The following UTP20 variants were observed in gnomAD, a reference collection of about 807,000 sequenced individuals.
UTP20 encodes small subunit processome component 20 homolog.
A neutral mutation model predicts 329.5 loss-of-function variants in UTP20; 164 were observed. That is an observed-to-expected ratio of 0.50 (90% CI 0.44 to 0.57). The LOEUF (loss-of-function observed/expected upper bound fraction) is 0.57. UTP20 is among the 20% of genes least tolerant of loss of function. The pLI, the probability that UTP20 is intolerant of heterozygous loss-of-function variation, is 0.00. For synonymous variants in UTP20, 1,151 were observed against 1,159.3 expected, an observed-to-expected ratio of 0.99 and a Z score of 0.14; for missense variants, 3,055 against 3,284.2, an observed-to-expected ratio of 0.93 and a Z score of 1.71.
chr12:101,347,624 A>T (rs912443244), intron 38 of UTP20, among the ~76,000 whole-genome samples: 3 of 152,234 alleles, frequency 2.0e-5, no homozygotes, highest in African/African-American at 7.2e-5. Flanking sequence ...TGTTGATTAC[A>T]TGGCCTTATA....
chr12:101,293,925 A>G (rs2137236891), intron 11 of UTP20, among the ~76,000 whole-genome samples: 1 of 152,010 alleles, frequency 6.6e-6, no homozygotes, highest in African/African-American at 2.4e-5. Context: ...TACTGCTTAC[A>G]CGTCTGTAGT....
At chr12:101,323,067 C>T (rs1868424073) in intron 25 of UTP20, among the ~76,000 whole-genome samples, 1 of 152,152 alleles carries the variant, frequency 6.6e-6, no homozygotes, top group South Asian at 2.1e-4. Context: ...ATAATACACC[C>T]ATACAAGTTT....
intron 15 of UTP20, among the ~76,000 whole-genome samples, chr12:101,305,113 G>A: frequency 6.6e-6 from 1 of 151,846 alleles, no homozygotes; most frequent in East Asian, 1.9e-4. Flanking sequence ...CAATCTCTTT[G>A]TCAAGCCTTT....
intron 43 of UTP20, 114 bp downstream of exon 43, chr12:101,357,196 C>T (rs938422177): frequency 1.1e-6 from 1 of 945,056 alleles, no homozygotes; most frequent in Non-Finnish European, 1.5e-6. Context: ...TCCACTGACA[C>T]TCTGAGCAGT....
chr12:101,385,848 A>G, intron 61 of UTP20, 120 bp downstream of exon 61: 1 of 1,475,604 alleles, frequency 6.8e-7, no homozygotes, highest in Non-Finnish European at 9.1e-7. Flanking sequence ...GGGACTTTAT[A>G]GCTGGGACTT....
At chr12:101,347,520 GAA>G (rs1020631465) in intron 38 of UTP20, among the ~76,000 whole-genome samples, 7 of 148,086 alleles carry the variant, frequency 4.7e-5, no homozygotes, top group African/African-American at 1.2e-4. Context: ...GAGACTATTT[GAA>G]AAAAAAAAGT....
chr12:101,331,125 C>T (rs1393492400), intron 27 of UTP20, among the ~76,000 whole-genome samples: 1 of 152,166 alleles, frequency 6.6e-6, no homozygotes, highest in African/African-American at 2.4e-5. Flanking sequence ...ATCATATTGA[C>T]TGTTCCTCTA....
chr12:101,325,603 G>A (rs375879327), intron 25 of UTP20, among the ~76,000 whole-genome samples: 4 of 152,156 alleles, frequency 2.6e-5, no homozygotes, highest in Non-Finnish European at 4.4e-5. Context: ...TGATAAAGTG[G>A]GAAGAATGCA....
rs148547205 is a variant in UTP20, at chr12:101,366,410, T to C, written c.6126-148T>C. The C allele has an allele frequency of 6.1e-5, 51 of 841,462 alleles. 1 individual carries two copies. The highest frequency in any genetic ancestry group is 4.1e-4 in the Admixed American group (15 of 36,274). 52.1% of individuals were successfully genotyped at this position (841,462 alleles called of 1,614,324 possible). A position where few individuals can be genotyped will look rare whatever the true frequency, so the allele number is the denominator to read the frequency against. ...GCCTAATAATCTCTTCTGTATCTCATGGTTTGGGGGTTTGGGGAGGGGCAA... is the reference window on the plus strand; with the variant it reads ...GCCTAATAATCTCTTCTGTATCTCACGGTTTGGGGGTTTGGGGAGGGGCAA... On this transcript the variant is annotated intron_variant, in intron 46 of 61. Coordinates refer to ENST00000261637, the MANE Select transcript of UTP20 (RefSeq NM_014503.3).
At chr12:101,283,414 T>A (rs1009965369) in intron 2 of UTP20, among the ~76,000 whole-genome samples, 1 of 152,196 alleles carries the variant, frequency 6.6e-6, no homozygotes, top group African/African-American at 2.4e-5. Context: ...CTCATAAAGT[T>A]TTGCTTTGGT....
At chr12:101,322,640 G>C (rs1868402462) in intron 25 of UTP20, among the ~76,000 whole-genome samples, 1 of 152,182 alleles carries the variant, frequency 6.6e-6, no homozygotes, top group Admixed American at 6.5e-5. Flanking sequence ...GATAGAGAAA[G>C]TCTTTTAGAT....
At position 101,373,638 on chromosome 12, in the gene UTP20, G is replaced by A. The variant is rs1593454220; in HGVS notation, c.7002G>A (p.Thr2334=). 6.8e-6 allele frequency: 11 copies of A among 1,613,096 alleles called. No individual in the cohort carries two copies. The highest frequency in any genetic ancestry group is 2.7e-5 in the African/African-American group (2 of 74,988). Residue 2334 remains threonine (T), a synonymous_variant, in exon 54 of 62, where the codon ACG becomes ACA. Transcript: ENST00000261637. Reference sequence around the variant, plus strand: ...TCTTTATCCCTCTTTGTCTAATGACGATCAATGATGACTCTGCCACGTGCA... The same window carrying A: ...TCTTTATCCCTCTTTGTCTAATGACAATCAATGATGACTCTGCCACGTGCA... ...GMFFIPLCLM[T]INDDSATCKK...
chr12:101,345,431 G>T (rs1256734844), intron 36 of UTP20, 123 bp from the exon 37 acceptor site: 8 of 703,342 alleles, frequency 1.1e-5, no homozygotes, highest in Non-Finnish European at 4.5e-6. Context: ...AAGCAATCCT[G>T]ACTTTTTTTT....
At chr12:101,352,008 A>C (rs1381567366) in intron 38 of UTP20, 47 bp from the exon 39 acceptor site, 1 of 1,601,930 alleles carries the variant, frequency 6.2e-7, no homozygotes, top group African/African-American at 1.3e-5. Context: ...CTTGCATTTT[A>C]TTAGCAAATA....
At chr12:101,298,436 A>C (rs1872427519) in intron 12 of UTP20, among the ~76,000 whole-genome samples, 1 of 152,198 alleles carries the variant, frequency 6.6e-6, no homozygotes, top group South Asian at 2.1e-4. Flanking sequence ...AGTTAACTGC[A>C]AAGACTCTGG....
chr12:101,359,440 A>C (rs1869836136), intron 43 of UTP20, among the ~76,000 whole-genome samples: 1 of 148,444 alleles, frequency 6.7e-6, no homozygotes, highest in Admixed American at 6.7e-5. Flanking sequence ...ATGAATGTTT[A>C]TTTTTCTCCC....
chr12:101,358,050 C>T (rs915351920), intron 43 of UTP20, among the ~76,000 whole-genome samples: 6 of 152,182 alleles, frequency 3.9e-5, no homozygotes, highest in African/African-American at 1.4e-4. Flanking sequence ...AATTTTGGTA[C>T]AGTCGACGTG....
intron 38 of UTP20, among the ~76,000 whole-genome samples, chr12:101,348,105 A>G (rs929361057): frequency 6.6e-6 from 1 of 152,246 alleles, no homozygotes; most frequent in Non-Finnish European, 1.5e-5. Flanking sequence ...CTGGGATTAC[A>G]GGCGTGAGCC....
chr12:101,342,626 TA>T (rs781733378), intron 33 of UTP20, 37 bp downstream of exon 33: 3 of 1,575,416 alleles, frequency 1.9e-6, no homozygotes, highest in South Asian at 1.2e-5. Flanking sequence ...ATCACCCTTT[TA>T]AAAAAATGTA....
Sources: gnomAD v4.1 joint callset for allele counts (sites outside exome capture counted in the v4.1 genomes callset) on GRCh38, gnomAD v4.1.1 for gene constraint, MANE v1.5 for transcripts, NCBI Gene and HGNC (gene_info 2026-07-23, HGNC 2026-07-21) for gene names.